The following ZMYM5 variants were observed in gnomAD, a reference collection of about 807,000 sequenced individuals.
ZMYM5 encodes zinc finger MYM-type protein 5.
In ZMYM5, 41 loss-of-function variants were observed where a neutral mutation model predicts 61.8. That is an observed-to-expected ratio of 0.66 (90% CI 0.52 to 0.86). The LOEUF is 0.86. Ranked by LOEUF, ZMYM5 falls within the 40% of genes least tolerant of loss-of-function variation. The probability of loss-of-function intolerance (pLI) is 0.00; values close to 1 mark genes in which losing one functional copy is unlikely to be tolerated. For missense variants in ZMYM5, 706 were observed against 786.7 expected (o/e 0.90, Z 1.23); for synonymous variants, 257 against 276.4 (o/e 0.93, Z 0.70).
At position 19,826,691 on chromosome 13, in the gene ZMYM5, T is replaced by C. The variant is rs184697770; in HGVS notation, c.1252-1456A>G. On this transcript the variant is annotated intron_variant, in intron 7 of 7. Transcript: ENST00000337963. ...ACTGCTTGAACACGGGAGACAGAGG[T>C]TGCAGTGAGCCAAGATCTCGCCACT... 4.6e-5 allele frequency among the ~76,000 whole-genome samples: 7 copies of C among 151,098 alleles called. No homozygotes were observed. In the East Asian group the frequency reaches 9.8e-4, roughly 21 times the overall value.
intron 2 of ZMYM5, among the ~76,000 whole-genome samples, chr13:19,858,663 A>G (rs570155733): frequency 6.6e-6 from 1 of 152,180 alleles, no homozygotes; most frequent in East Asian, 1.9e-4. Context: ...ACTCCCCTAA[A>G]CAGGACTACC....
chr13:19,857,096 A>G (rs1455059789), intron 2 of ZMYM5, among the ~76,000 whole-genome samples: 3 of 152,242 alleles, frequency 2.0e-5, no homozygotes, highest in African/African-American at 4.8e-5. Flanking sequence ...ACAGAGCGAG[A>G]CTCCGTCTCA....
chr13:19,828,751 G>A (rs1283191214), intron 7 of ZMYM5, among the ~76,000 whole-genome samples: 2 of 152,188 alleles, frequency 1.3e-5, no homozygotes, highest in South Asian at 2.1e-4. Flanking sequence ...ATTGGCTCTA[G>A]GGGCTAAGGA....
chr13:19,843,369 C>CAAAAAA lies in ZMYM5; in HGVS notation c.587-4390_587-4385dup, dbSNP rs370875470. 21 of 58,240 alleles carry CAAAAAA rather than the reference C, an allele frequency of 3.6e-4. 1 individual carries two copies. Among genetic ancestry groups the CAAAAAA allele is most frequent in the East Asian group, 6.5e-4 (1 of 1,530 alleles). The allele number at this position is 58,240 out of a possible 1,614,324, so 3.6% of individuals were successfully genotyped here. A position where few individuals can be genotyped will look rare whatever the true frequency, so the allele number is the denominator to read the frequency against. ...CCGAGATTGCGCCACTGCACTCCAG[C>CAAAAAA]AAAAAAAAAAAAAAAAAAAAAAAAA... On this transcript the variant is annotated intron_variant, in intron 4 of 7. Coordinates refer to ENST00000337963, the MANE Select transcript of ZMYM5 (RefSeq NM_001142684.2).
At chr13:19,850,998 T>C (rs1953269669) in intron 4 of ZMYM5, among the ~76,000 whole-genome samples, 1 of 152,072 alleles carries the variant, frequency 6.6e-6, no homozygotes, top group South Asian at 2.1e-4. Flanking sequence ...CACTTGAGGT[T>C]AGGAGTTCGA....
At chr13:19,830,114 A>G (rs1891127498) in intron 7 of ZMYM5, among the ~76,000 whole-genome samples, 1 of 152,156 alleles carries the variant, frequency 6.6e-6, no homozygotes, top group Non-Finnish European at 1.5e-5. Context: ...AAATGTCCCC[A>G]TGGGGACAAA....
chr13:19,854,173 C>G (rs556757077), intron 2 of ZMYM5, among the ~76,000 whole-genome samples: 4 of 152,210 alleles, frequency 2.6e-5, no homozygotes, highest in African/African-American at 9.6e-5. Flanking sequence ...CCATGCCCAG[C>G]TAATTTTTGT....
At chr13:19,839,097 A>G (rs1160605863) in intron 4 of ZMYM5, 112 bp from the exon 5 acceptor site, 2 of 1,348,988 alleles carry the variant, frequency 1.5e-6, no homozygotes, top group East Asian at 2.3e-5. Context: ...GCGTATAAAC[A>G]TGTGGTTAAG....
chr13:19,846,605 G>A (rs1389414682), intron 4 of ZMYM5, among the ~76,000 whole-genome samples: 1 of 151,988 alleles, frequency 6.6e-6, no homozygotes, highest in African/African-American at 2.4e-5. Flanking sequence ...GAACTTGACA[G>A]CTTCCTAAAG....
chr13:19,841,209 C>T (rs902686725), intron 4 of ZMYM5, among the ~76,000 whole-genome samples: 4 of 151,462 alleles, frequency 2.6e-5, no homozygotes, highest in African/African-American at 4.9e-5. Flanking sequence ...GTGATCTGCC[C>T]GCCTCAGCCT....
intron 7 of ZMYM5, 109 bp from the exon 8 acceptor site, chr13:19,825,344 C>T (rs1890859087): frequency 9.6e-7 from 1 of 1,042,068 alleles, no homozygotes; most frequent in Non-Finnish European, 1.2e-6. Flanking sequence ...AAAGAAATGC[C>T]AATCAAAAAG....
intron 2 of ZMYM5, among the ~76,000 whole-genome samples, chr13:19,853,066 C>T (rs1249798167): frequency 6.6e-6 from 1 of 152,116 alleles, no homozygotes; most frequent in Non-Finnish European, 1.5e-5. Flanking sequence ...TGCCCAGGCT[C>T]ATCTCAAACT....
At chr13:19,837,083 G>C (rs914215607) in intron 6 of ZMYM5, among the ~76,000 whole-genome samples, 17 of 151,182 alleles carry the variant, frequency 1.1e-4, no homozygotes, top group African/African-American at 4.1e-4. Context: ...CCAGGCTGGA[G>C]TACAGTGGCG....
chr13:19,842,682 G>A (rs1952918434), intron 4 of ZMYM5, among the ~76,000 whole-genome samples: 1 of 149,968 alleles, frequency 6.7e-6, no homozygotes. Context: ...TTTCTTGGCT[G>A]GGCGCAGTGG....
intron 7 of ZMYM5, 36 bp from the exon 8 acceptor site, chr13:19,825,271 T>A (rs2138469722): frequency 8.3e-7 from 1 of 1,201,358 alleles, no homozygotes. Flanking sequence ...TATTTTAGGT[T>A]AAACTTTTAA....
At chr13:19,848,790 C>T (rs1953177266) in intron 4 of ZMYM5, among the ~76,000 whole-genome samples, 1 of 152,038 alleles carries the variant, frequency 6.6e-6, no homozygotes, top group Non-Finnish European at 1.5e-5. Flanking sequence ...CTGCCTTGGC[C>T]TCCCAAAGTG....
rs1890769248 is a variant in ZMYM5, at chr13:19,823,551, A to G, written c.*926T>C. 1 of 152,160 alleles carries G rather than the reference A, an allele frequency of 6.6e-6. No homozygotes were observed. The highest frequency in any genetic ancestry group is 1.5e-5 in the Non-Finnish European group (1 of 68,026). 9.4% of individuals were successfully genotyped at this position (152,160 alleles called of 1,614,324 possible). A position where few individuals can be genotyped will look rare whatever the true frequency, so the allele number is the denominator to read the frequency against. The stretch of plus-strand genomic sequence containing the variant: ...AACATAAAATAGGTAAATATAGTTC[A>G]CATACAATAATAAATGCTAAAACAT... On this transcript the variant is annotated 3_prime_UTR_variant, in exon 8 of 8. Coordinates refer to ENST00000337963, the MANE Select transcript of ZMYM5 (RefSeq NM_001142684.2).
rs1952645777 is a variant in ZMYM5, at chr13:19,835,474, T to TA, written c.1251+2dup. On this transcript the variant is annotated splice_region_variant and intron_variant, in intron 7 of 7. Transcript: ENST00000337963. ...TCATTTAAAGCTCATGAAAAAGAAT[T>TA]ACCTGTTTATATTCGTTAATACAAC... 2.2e-6 allele frequency: 3 copies of TA among 1,365,218 alleles called. No individual in the cohort carries two copies. Among genetic ancestry groups the TA allele is most frequent in the Non-Finnish European group, 2.9e-6 (3 of 1,020,244 alleles). The allele number at this position is 1,365,218 out of a possible 1,614,324, so 84.6% of individuals were successfully genotyped here. A position where few individuals can be genotyped will look rare whatever the true frequency, so the allele number is the denominator to read the frequency against.
intron 4 of ZMYM5, among the ~76,000 whole-genome samples, chr13:19,840,840 G>A (rs974587018): frequency 1.3e-5 from 2 of 152,000 alleles, no homozygotes; most frequent in Non-Finnish European, 2.9e-5. Context: ...ACCATGCCCG[G>A]CTAATTTTTT....
Sources: allele counts gnomAD v4.1 joint callset (sites outside exome capture counted in the v4.1 genomes callset), GRCh38; gene constraint gnomAD v4.1.1; transcripts MANE v1.5; gene names NCBI Gene and HGNC (gene_info 2026-07-23, HGNC 2026-07-21).